BLTP3B: variants seen among roughly 807,000 people sequenced by gnomAD.
BLTP3B encodes bridge-like lipid transfer protein family member 3B, also known as UHRF1 (ICBP90) binding protein 1-like.
At chr12:100,090,869 T>G in the BLTP3B span, among the ~76,000 whole-genome samples, 1 of 152,126 alleles carries the variant, frequency 6.6e-6, no homozygotes, top group Admixed American at 6.5e-5. Context: ...TTTCATTATG[T>G]TTTCTCTCTT....
chr12:100,099,049 G>T, the BLTP3B span, among the ~76,000 whole-genome samples: 28 of 151,758 alleles, frequency 1.8e-4, no homozygotes, highest in African/African-American at 6.3e-4. Context: ...CTGGAGTGCA[G>T]TGGCATGATC....
the BLTP3B span, among the ~76,000 whole-genome samples, chr12:100,098,175 G>A: frequency 4.6e-5 from 7 of 152,094 alleles, no homozygotes; most frequent in East Asian, 1.9e-4. Context: ...CCGTGATTGC[G>A]CCACTGCACT....
chr12:100,123,575 C>T, the BLTP3B span, among the ~76,000 whole-genome samples: 2 of 152,190 alleles, frequency 1.3e-5, no homozygotes, highest in African/African-American at 2.4e-5. Context: ...AGTCCCAAGA[C>T]TGCCCTCCGT....
At chr12:100,045,625 C>T in the BLTP3B span, among the ~76,000 whole-genome samples, 44 of 152,022 alleles carry the variant, frequency 2.9e-4, no homozygotes, top group African/African-American at 9.9e-4. Flanking sequence ...CATAAAAACC[C>T]GATTAGAAAA....
chr12:100,132,656 C>G, the BLTP3B span, among the ~76,000 whole-genome samples: 1 of 152,048 alleles, frequency 6.6e-6, no homozygotes, highest in Admixed American at 6.6e-5. Context: ...ATAAATAAAC[C>G]TATTTTTTGG....
chr12:100,108,225 C>T, the BLTP3B span, among the ~76,000 whole-genome samples: 1 of 152,112 alleles, frequency 6.6e-6, no homozygotes, highest in Admixed American at 6.5e-5. Context: ...ACACATAAGG[C>T]ACACATTTAT....
the BLTP3B span, among the ~76,000 whole-genome samples, chr12:100,131,014 A>AGAGAGAGG: frequency 1.3e-5 from 2 of 150,536 alleles, no homozygotes; most frequent in South Asian, 4.2e-4. Context: ...AGAGAGAGAG[A>AGAGAGAGG]GAGAGAGAGA....
At chr12:100,097,276 C>A in the BLTP3B span, 1 of 1,350,326 alleles carries the variant, frequency 7.4e-7, no homozygotes, top group Non-Finnish European at 9.9e-7. Flanking sequence ...TTTAAAATTT[C>A]CTATAGTTAA....
chr12:100,044,138 C>A, the BLTP3B span, among the ~76,000 whole-genome samples: 1 of 151,950 alleles, frequency 6.6e-6, no homozygotes, highest in Non-Finnish European at 1.5e-5. Context: ...TGGGAGCTAA[C>A]ACATTTGGGA....
chr12:100,054,258 TAC>T, the BLTP3B span, among the ~76,000 whole-genome samples: 3 of 152,172 alleles, frequency 2.0e-5, no homozygotes, highest in African/African-American at 4.8e-5. Context: ...AGAGAATACT[TAC>T]AGATGATAAA....
chr12:100,048,339 G>A, the BLTP3B span: 12 of 791,108 alleles, frequency 1.5e-5, no homozygotes, highest in South Asian at 4.1e-5. Context: ...TACAATATAC[G>A]TACACACACT....
chr12:100,037,831 A>G, the BLTP3B span: 4 of 1,316,322 alleles, frequency 3.0e-6, no homozygotes, highest in Non-Finnish European at 4.1e-6. Flanking sequence ...TAGTATCCAA[A>G]GGTATGACAC....
chr12:100,062,829 C>T, the BLTP3B span, among the ~76,000 whole-genome samples: 1 of 152,038 alleles, frequency 6.6e-6, no homozygotes, highest in Non-Finnish European at 1.5e-5. Flanking sequence ...GACATGATGG[C>T]TCATGCCTAT....
the BLTP3B span, among the ~76,000 whole-genome samples, chr12:100,056,632 G>A: frequency 6.6e-6 from 1 of 151,830 alleles, no homozygotes; most frequent in Non-Finnish European, 1.5e-5. Flanking sequence ...GAGGTCAGGA[G>A]TTTGAGACCA....
the BLTP3B span, among the ~76,000 whole-genome samples, chr12:100,038,530 T>G: frequency 6.6e-6 from 1 of 152,138 alleles, no homozygotes; most frequent in East Asian, 1.9e-4. Context: ...GAGATGGGGT[T>G]TCTCCATGTT....
At chr12:100,134,616 CAA>C in the BLTP3B span, among the ~76,000 whole-genome samples, 19 of 139,250 alleles carry the variant, frequency 1.4e-4, no homozygotes, top group African/African-American at 1.8e-4. Context: ...GACTCTGTCT[CAA>C]AAAAAAAAAA....
At chr12:100,099,622 C>A in the BLTP3B span, among the ~76,000 whole-genome samples, 1 of 151,454 alleles carries the variant, frequency 6.6e-6, no homozygotes, top group Admixed American at 6.6e-5. Flanking sequence ...TAACACTTGC[C>A]TGTGGTCCCA....
At chr12:100,140,446 C>T in the BLTP3B span, among the ~76,000 whole-genome samples, 1 of 151,738 alleles carries the variant, frequency 6.6e-6, no homozygotes, top group African/African-American at 2.4e-5. Context: ...TGGCTCACAC[C>T]TGTAATCCCA....
chr12:100,121,668 T>C, the BLTP3B span, among the ~76,000 whole-genome samples: 3 of 152,042 alleles, frequency 2.0e-5, no homozygotes, highest in South Asian at 6.2e-4. Context: ...CTGTCTCTAC[T>C]AAAAGTACAA....
Sources: allele counts gnomAD v4.1 joint callset (sites outside exome capture counted in the v4.1 genomes callset), GRCh38; gene constraint gnomAD v4.1.1; transcripts MANE v1.5; gene names NCBI Gene and HGNC (gene_info 2026-07-23, HGNC 2026-07-21).